AGBL1: variants seen among roughly 807,000 people sequenced by gnomAD.
AGBL1 encodes the protein AGBL carboxypeptidase 1.
Under a neutral mutation model 118.9 loss-of-function variants are expected in AGBL1, and 130 were observed. The observed-to-expected ratio is 1.09, with a 90% confidence interval of 0.95 to 1.26. AGBL1 has a LOEUF of 1.26. AGBL1 is among the 50% of genes most tolerant of loss of function. The probability of loss-of-function intolerance (pLI) is 0.00; values close to 1 mark genes in which losing one functional copy is unlikely to be tolerated. For missense variants in AGBL1, 1,584 were observed against 1,298.1 expected (o/e 1.22, Z -3.38); for synonymous variants, 555 against 478.9 (o/e 1.16, Z -2.08).
chr15:86,275,263 G>A lies in AGBL1; in HGVS notation c.2075+3557G>A, dbSNP rs905855719. 4.6e-5 allele frequency among the ~76,000 whole-genome samples: 7 copies of A among 152,184 alleles called. No homozygotes were observed. In the East Asian group the frequency reaches 7.7e-4, roughly 17 times the overall value. On this transcript the variant is annotated intron_variant, in intron 15 of 22. Transcript: ENST00000614907. ...CTGACATTTATCTCCGCTCGTGAGA[G>A]GAGATGGAACAGCTCACTCATGAAG...
chr15:86,207,960 C>A (rs987783916), intron 5 of AGBL1, among the ~76,000 whole-genome samples: 1 of 151,994 alleles, frequency 6.6e-6, no homozygotes, highest in Non-Finnish European at 1.5e-5. Flanking sequence ...TTGTCATAAA[C>A]AGCTCTGATT....
rs150481711 is a variant in AGBL1, at chr15:86,310,572, G to A, written c.2374+15164G>A. Among the ~76,000 whole-genome samples, 305 of 152,144 alleles carry A rather than the reference G, an allele frequency of 2.0e-3. 2 individuals are homozygous for A. Among genetic ancestry groups the A allele is most frequent in the Non-Finnish European group, 3.4e-3 (229 of 67,986 alleles). The stretch of plus-strand genomic sequence containing the variant: ...TTAGTTCTCCAAGGGTCAGCCTGGT[G>A]CAGGGGGCCCCTGGGGTGGACCTGT... On this transcript the variant is annotated intron_variant, in intron 17 of 22. Coordinates refer to ENST00000614907, the MANE Select transcript of AGBL1 (RefSeq NM_001386094.1).
At position 86,665,286 on chromosome 15, in the gene AGBL1, T is replaced by C. The variant is rs79711669; in HGVS notation, c.2995-8987T>C. On this transcript the variant is annotated intron_variant, in intron 21 of 22. Transcript: ENST00000614907. Reference sequence around the variant, plus strand: ...TATTAATTTCTGAAATTTGTATTGTTAACGCCAAGAGTTTAATTAAACACT... The same window carrying C: ...TATTAATTTCTGAAATTTGTATTGTCAACGCCAAGAGTTTAATTAAACACT... 8.8e-4 allele frequency among the ~76,000 whole-genome samples: 134 copies of C among 152,282 alleles called. 1 individual carries two copies. The East Asian group carries it at 0.024, about 28-fold the overall frequency.
intron 5 of AGBL1, among the ~76,000 whole-genome samples, chr15:86,171,487 T>G (rs1004516800): frequency 1.3e-5 from 2 of 152,136 alleles, no homozygotes; most frequent in South Asian, 4.1e-4. Context: ...CTAAAACAGT[T>G]AAGAGTTACG....
At chr15:86,671,996 C>T (rs1260745370) in intron 21 of AGBL1, among the ~76,000 whole-genome samples, 2 of 152,234 alleles carry the variant, frequency 1.3e-5, no homozygotes, top group Admixed American at 1.3e-4. Flanking sequence ...ATATTTAGCC[C>T]AGGAGTTCAA....
At chr15:86,192,597 TATTAAA>T (rs1164293538) in intron 5 of AGBL1, among the ~76,000 whole-genome samples, 2 of 152,168 alleles carry the variant, frequency 1.3e-5, no homozygotes, top group African/African-American at 2.4e-5. Context: ...GAAATTTCAC[TATTAAA>T]ATTCTTATTT....
intron 22 of AGBL1, among the ~76,000 whole-genome samples, chr15:86,884,649 C>CA: frequency 6.6e-6 from 1 of 152,142 alleles, no homozygotes; most frequent in East Asian, 1.9e-4. Flanking sequence ...CTTCCTCTAC[C>CA]AAAAATACCA....
At chr15:86,983,787 T>A (rs11635786) in intron 23 of AGBL1, among the ~76,000 whole-genome samples, 20,559 of 152,176 alleles carry the variant, frequency 0.14, 1,406 homozygotes, top group African/African-American at 0.14. Flanking sequence ...AATACAATCG[T>A]ACATTATACA....
intron 22 of AGBL1, among the ~76,000 whole-genome samples, chr15:86,755,660 T>C (rs1281664188): frequency 6.6e-6 from 1 of 152,154 alleles, no homozygotes; most frequent in Admixed American, 6.6e-5. Context: ...ATGTGTTGAG[T>C]TCTTGTCCTG....
intron 5 of AGBL1, among the ~76,000 whole-genome samples, chr15:86,214,093 C>T (rs991509278): frequency 5.3e-5 from 8 of 152,134 alleles, no homozygotes; most frequent in African/African-American, 1.7e-4. Context: ...GCCTTGGTAC[C>T]GCATATGGCC....
chr15:86,525,598 A>G lies in AGBL1; in HGVS notation c.2685+2659A>G, dbSNP rs189264553. Among the ~76,000 whole-genome samples, 5 of 152,246 alleles carry G rather than the reference A, an allele frequency of 3.3e-5. No individual in the cohort carries two copies. In the East Asian group the frequency reaches 7.7e-4, roughly 24 times the overall value. On this transcript the variant is annotated intron_variant, in intron 19 of 22. Transcript: ENST00000614907. ...AAAGCCAGCCACCTACAATTAACTA[A>G]TCTTTGACCAAGTAGAAAAAATATA...
chr15:86,599,879 A>G (rs1482997254), intron 21 of AGBL1, among the ~76,000 whole-genome samples: 2 of 152,100 alleles, frequency 1.3e-5, no homozygotes, highest in Admixed American at 6.6e-5. Flanking sequence ...ACATATCATA[A>G]TTAGGGCTCA....
At chr15:86,647,108 T>C (rs1314235114) in intron 21 of AGBL1, among the ~76,000 whole-genome samples, 1 of 152,170 alleles carries the variant, frequency 6.6e-6, no homozygotes, top group Non-Finnish European at 1.5e-5. Flanking sequence ...TTAATTGATT[T>C]ATATAACATT....
chr15:86,778,280 A>C (rs926770578), intron 22 of AGBL1, among the ~76,000 whole-genome samples: 2 of 152,172 alleles, frequency 1.3e-5, no homozygotes, highest in Non-Finnish European at 2.9e-5. Context: ...GGGCAAAATT[A>C]AAATTGCTAA....
chr15:86,674,434 A>G lies in AGBL1; in HGVS notation c.3156A>G (p.Gln1052=), dbSNP rs1318780685. The G allele has an allele frequency of 1.9e-6, 3 of 1,604,182 alleles. No homozygotes were observed. The Admixed American group carries it at 5.0e-5, about 27-fold the overall frequency. The change falls in exon 22 of 23, where the codon CAA becomes CAG. Residue 1052 remains glutamine, a splice_region_variant and synonymous_variant. Coordinates refer to ENST00000614907, the MANE Select transcript of AGBL1 (RefSeq NM_001386094.1). The part of the protein sequence containing the change: ...AEEDALDQHL[Q]RCSSSSGSVP... ...AGGACGCTCTGGACCAGCACCTCCA[A>G]CGGTAAGATGCTCCCAAGGGCTCAG...
intron 24 of AGBL1, among the ~76,000 whole-genome samples, chr15:86,996,439 C>T (rs1309659487): frequency 6.6e-6 from 1 of 152,130 alleles, no homozygotes; most frequent in African/African-American, 2.4e-5. Flanking sequence ...TGCACTGCTT[C>T]TTTAATCTGT....
rs1418701261 is a variant in AGBL1 at position 86,279,727 on chromosome 15, A to T, written c.2164A>T (p.Ser722Cys). The T allele has an allele frequency of 6.2e-7, 1 of 1,613,624 alleles. No individual in the cohort carries two copies. The change falls in exon 16 of 23, where the codon AGT becomes TGT. Residue 722 changes from serine to cysteine, a missense_variant. Coordinates refer to ENST00000614907, the MANE Select transcript of AGBL1 (RefSeq NM_001386094.1). ...TLTFAVTFPH[S>C]EDVCYLAYHY... is the part of the protein sequence containing the mutation. ...CACCTTTGCTGTCACCTTCCCACACAGTGAGGATGTCTGCTACCTGGCCTA... is the reference window on the plus strand; with the variant it reads ...CACCTTTGCTGTCACCTTCCCACACTGTGAGGATGTCTGCTACCTGGCCTA...
At chr15:86,832,258 G>T (rs1270820782) in intron 22 of AGBL1, among the ~76,000 whole-genome samples, 1 of 152,152 alleles carries the variant, frequency 6.6e-6, no homozygotes. Flanking sequence ...TTAACATTTG[G>T]CTCTTCGTTA....
At chr15:86,720,860 A>G (rs2086708066) in intron 22 of AGBL1, among the ~76,000 whole-genome samples, 1 of 152,364 alleles carries the variant, frequency 6.6e-6, no homozygotes. Context: ...ATCAGAGAAT[A>G]CTATGAACAC....
Sources: gnomAD v4.1 joint callset for allele counts (sites outside exome capture counted in the v4.1 genomes callset) on GRCh38, gnomAD v4.1.1 for gene constraint, MANE v1.5 for transcripts, NCBI Gene and HGNC (gene_info 2026-07-23, HGNC 2026-07-21) for gene names.